Variants in NCKAP5 observed in about 807,000 individuals in gnomAD.
The protein encoded by NCKAP5 is NCK associated protein 5.
NCKAP5 carries 92 observed loss-of-function variants against 167.0 expected under a neutral mutation model. The ratio of observed to expected loss-of-function variants is 0.55; its 90% CI spans 0.47 to 0.66. The LOEUF (loss-of-function observed/expected upper bound fraction) is 0.66, where lower values mean the gene tolerates loss of function less well. NCKAP5 is among the 30% of genes least tolerant of loss of function. NCKAP5 has a pLI of 0.00. For synonymous variants in NCKAP5, 891 were observed against 877.4 expected (o/e 1.02, Z -0.27); for missense variants, 2,378 against 2,315.0 (o/e 1.03, Z -0.56).
chr2:132,735,515 C>T (rs954032565), intron 16 of NCKAP5, among the ~76,000 whole-genome samples: 1 of 152,186 alleles, frequency 6.6e-6, no homozygotes, highest in East Asian at 1.9e-4. Flanking sequence ...TCCTATACAG[C>T]CTGCAGAACC....
intron 5 of NCKAP5, among the ~76,000 whole-genome samples, chr2:133,183,481 A>G (rs1471481924): frequency 2.0e-5 from 3 of 152,166 alleles, no homozygotes; most frequent in Admixed American, 1.3e-4. Flanking sequence ...AAAAATCAAC[A>G]TCAATTGATG....
intron 11 of NCKAP5, among the ~76,000 whole-genome samples, chr2:132,843,613 C>T (rs1574397958): frequency 6.6e-6 from 1 of 151,490 alleles, no homozygotes; most frequent in Non-Finnish European, 1.5e-5. Flanking sequence ...TAAAAAAACT[C>T]CTATTCTCTA....
intron 8 of NCKAP5, among the ~76,000 whole-genome samples, chr2:132,920,399 T>C (rs991026606): frequency 6.6e-5 from 10 of 151,768 alleles, no homozygotes; most frequent in Non-Finnish European, 1.3e-4. Context: ...TCCTACACCA[T>C]GTGTTGAGTA....
At chr2:132,828,198 T>C (rs761387227) in intron 11 of NCKAP5, among the ~76,000 whole-genome samples, 7 of 152,198 alleles carry the variant, frequency 4.6e-5, no homozygotes, top group Non-Finnish European at 7.3e-5. Flanking sequence ...TACAGTTCTA[T>C]TGTTCATAAA....
chr2:133,552,590 T>A (rs1334922290), intron 2 of NCKAP5, among the ~76,000 whole-genome samples: 3 of 105,512 alleles, frequency 2.8e-5, no homozygotes, highest in African/African-American at 1.1e-4. Flanking sequence ...CTCTGCGGAC[T>A]GTGGTGGGGT....
intron 19 of NCKAP5, among the ~76,000 whole-genome samples, chr2:132,713,711 AAC>A (rs796535665): frequency 1.0e-4 from 9 of 89,248 alleles, no homozygotes; most frequent in Admixed American, 3.5e-4. Context: ...GAAAGGGCCA[AAC>A]AAAAAAAAAA....
chr2:133,474,625 C>CAT (rs1679713460), intron 3 of NCKAP5, among the ~76,000 whole-genome samples: 1 of 152,030 alleles, frequency 6.6e-6, no homozygotes, highest in Non-Finnish European at 1.5e-5. Flanking sequence ...TACAATGTTA[C>CAT]ATATATAAAA....
At chr2:132,728,435 T>A (rs1463612200) in intron 18 of NCKAP5, among the ~76,000 whole-genome samples, 1 of 152,204 alleles carries the variant, frequency 6.6e-6, no homozygotes, top group Non-Finnish European at 1.5e-5. Context: ...CTTTCCCTGT[T>A]TCATAAGAAC....
chr2:133,549,093 A>G (rs1687028794), intron 2 of NCKAP5, among the ~76,000 whole-genome samples: 1 of 151,094 alleles, frequency 6.6e-6, no homozygotes, highest in Admixed American at 6.6e-5. Context: ...TCTCTGATAA[A>G]ACAGACTTTA....
At chr2:132,696,947 G>A (rs1687377329) in intron 19 of NCKAP5, among the ~76,000 whole-genome samples, 1 of 152,142 alleles carries the variant, frequency 6.6e-6, no homozygotes, top group African/African-American at 2.4e-5. Context: ...GAGTACAGTG[G>A]TGTGATCACG....
chr2:133,355,757 G>A (rs951625235), intron 3 of NCKAP5, among the ~76,000 whole-genome samples: 2 of 151,946 alleles, frequency 1.3e-5, no homozygotes, highest in Admixed American at 6.6e-5. Context: ...TCTTAAATTC[G>A]ACCTAGGAAA....
At chr2:133,380,436 G>A (rs1378657752) in intron 3 of NCKAP5, among the ~76,000 whole-genome samples, 1 of 151,914 alleles carries the variant, frequency 6.6e-6, no homozygotes. Context: ...TTAATTGTCT[G>A]GAATATAATT....
intron 3 of NCKAP5, among the ~76,000 whole-genome samples, chr2:133,447,837 T>A (rs548133052): frequency 2.0e-5 from 3 of 152,132 alleles, no homozygotes; most frequent in Non-Finnish European, 2.9e-5. Flanking sequence ...ATCTTGCATC[T>A]CTACCTGTGG....
At chr2:133,562,792 A>G (rs1304952053) in intron 1 of NCKAP5, among the ~76,000 whole-genome samples, 1 of 152,230 alleles carries the variant, frequency 6.6e-6, no homozygotes, top group Non-Finnish European at 1.5e-5. Context: ...TTATGTAACT[A>G]CGGGGAAGTA....
intron 3 of NCKAP5, among the ~76,000 whole-genome samples, chr2:133,452,936 G>A (rs1469318469): frequency 6.6e-6 from 1 of 152,072 alleles, no homozygotes; most frequent in Non-Finnish European, 1.5e-5. Context: ...TGAGCAACTT[G>A]AGGGATCCTC....
chr2:132,854,527 T>C (rs898813515), intron 11 of NCKAP5, among the ~76,000 whole-genome samples: 2 of 152,164 alleles, frequency 1.3e-5, no homozygotes, highest in African/African-American at 4.8e-5. Context: ...GTGTATTCTT[T>C]CTGGATGGCA....
At chr2:133,662,999 G>A in the NCKAP5 span, among the ~76,000 whole-genome samples, 3 of 152,098 alleles carry the variant, frequency 2.0e-5, no homozygotes, top group African/African-American at 7.2e-5. Flanking sequence ...GGGCGCGGTG[G>A]CTCACGCCTG....
intron 19 of NCKAP5, among the ~76,000 whole-genome samples, chr2:132,704,651 A>C (rs776000034): frequency 1.3e-5 from 2 of 152,190 alleles, no homozygotes; most frequent in African/African-American, 2.4e-5. Context: ...CCAATGTTTT[A>C]TGGTTCCTCA....
intron 8 of NCKAP5, among the ~76,000 whole-genome samples, chr2:132,884,264 T>A (rs561572898): frequency 2.8e-4 from 43 of 152,360 alleles, no homozygotes; most frequent in African/African-American, 1.0e-3. Context: ...TTGCCCTTTT[T>A]AAGCACAGTT....
Sources: gnomAD v4.1 joint callset for allele counts (sites outside exome capture counted in the v4.1 genomes callset) on GRCh38, gnomAD v4.1.1 for gene constraint, MANE v1.5 for transcripts, NCBI Gene and HGNC (gene_info 2026-07-23, HGNC 2026-07-21) for gene names.